CIMIP5: variants seen among roughly 807,000 people sequenced by gnomAD.
CIMIP5 encodes the protein uncharacterized protein C2orf50.
At chr2:11,137,350 G>T in the CIMIP5 span, among the ~76,000 whole-genome samples, 6 of 151,898 alleles carry the variant, frequency 4.0e-5, no homozygotes, top group African/African-American at 1.2e-4. Flanking sequence ...CTCCAGCCTG[G>T]GTGACAGAGT....
At chr2:11,133,684 A>G in the CIMIP5 span, 1 of 1,498,648 alleles carries the variant, frequency 6.7e-7, no homozygotes, top group Non-Finnish European at 8.9e-7. Context: ...AGGGCAAATG[A>G]TCTGGCTGAG....
chr2:11,138,919 A>ATT, the CIMIP5 span, among the ~76,000 whole-genome samples: 526 of 151,240 alleles, frequency 3.5e-3, 3 homozygotes, highest in African/African-American at 0.012. Flanking sequence ...TTTTATTTTT[A>ATT]TTTATTTTTA....
At chr2:11,150,094 G>T in the CIMIP5 span, among the ~76,000 whole-genome samples, 1 of 150,046 alleles carries the variant, frequency 6.7e-6, no homozygotes, top group Non-Finnish European at 1.5e-5. Context: ...TTACGGGTGC[G>T]TGCCACCATG....
At chr2:11,151,578 C>T in the CIMIP5 span, among the ~76,000 whole-genome samples, 1 of 152,226 alleles carries the variant, frequency 6.6e-6, no homozygotes, top group Non-Finnish European at 1.5e-5. Context: ...AATTATTACT[C>T]AAATCAGTCT....
chr2:11,151,822 C>T, the CIMIP5 span, among the ~76,000 whole-genome samples: 2 of 152,200 alleles, frequency 1.3e-5, no homozygotes, highest in Admixed American at 6.5e-5. Flanking sequence ...TTAGTAGAGA[C>T]GGGGTTTGGC....
the CIMIP5 span, among the ~76,000 whole-genome samples, chr2:11,151,257 C>CT: frequency 0.02 from 3,072 of 152,360 alleles, 42 homozygotes; most frequent in Middle Eastern, 0.034. Context: ...AGCTGTACCC[C>CT]AGCCACCTTG....
At chr2:11,139,522 C>G in the CIMIP5 span, among the ~76,000 whole-genome samples, 5 of 152,208 alleles carry the variant, frequency 3.3e-5, no homozygotes, top group Non-Finnish European at 7.3e-5. Context: ...TCCTACCTCT[C>G]CCTAGCCTTC....
the CIMIP5 span, among the ~76,000 whole-genome samples, chr2:11,151,716 A>G: frequency 7.9e-5 from 12 of 152,348 alleles, no homozygotes; most frequent in South Asian, 2.1e-3. Context: ...GCCCAGTGCA[A>G]CCTGTGCCTC....
chr2:11,137,022 G>A, the CIMIP5 span, among the ~76,000 whole-genome samples: 1 of 152,176 alleles, frequency 6.6e-6, no homozygotes, highest in South Asian at 2.1e-4. Context: ...GCTGCCCAAC[G>A]GAAATACAAT....
At chr2:11,152,946 G>C in the CIMIP5 span, among the ~76,000 whole-genome samples, 2 of 152,202 alleles carry the variant, frequency 1.3e-5, no homozygotes, top group Non-Finnish European at 2.9e-5. Flanking sequence ...TTGCTAGTTT[G>C]CACCTGGTGG....
chr2:11,136,252 G>A, the CIMIP5 span, among the ~76,000 whole-genome samples: 1 of 152,208 alleles, frequency 6.6e-6, no homozygotes, highest in Non-Finnish European at 1.5e-5. Context: ...GGATTGGTAT[G>A]TATCATGTTA....
At chr2:11,136,230 A>G in the CIMIP5 span, among the ~76,000 whole-genome samples, 2 of 152,284 alleles carry the variant, frequency 1.3e-5, no homozygotes, top group East Asian at 1.9e-4. Context: ...GCTTCTTCCT[A>G]TGTTTTTGAC....
chr2:11,151,689 G>A, the CIMIP5 span, among the ~76,000 whole-genome samples: 1 of 152,268 alleles, frequency 6.6e-6, no homozygotes, highest in Non-Finnish European at 1.5e-5. Flanking sequence ...TGTCTGGAGT[G>A]CAGTGGCACG....
the CIMIP5 span, among the ~76,000 whole-genome samples, chr2:11,153,920 G>C: frequency 2.6e-5 from 2 of 77,700 alleles, no homozygotes; most frequent in Non-Finnish European, 5.0e-5. Context: ...GTGAAACTCC[G>C]TCTCAAAAAA....
chr2:11,139,365 G>T, the CIMIP5 span, among the ~76,000 whole-genome samples: 2 of 152,222 alleles, frequency 1.3e-5, no homozygotes, highest in African/African-American at 4.8e-5. Context: ...TTTGACTCTA[G>T]GATGTGGGGC....
chr2:11,135,189 A>T, the CIMIP5 span, among the ~76,000 whole-genome samples: 3 of 152,312 alleles, frequency 2.0e-5, no homozygotes, highest in South Asian at 6.2e-4. Context: ...TCAGTATGAG[A>T]TTTGGAGAGA....
At chr2:11,145,566 C>A in the CIMIP5 span, 1 of 152,332 alleles carries the variant, frequency 6.6e-6, no homozygotes, top group African/African-American at 2.4e-5. Flanking sequence ...CCTCTTCTTC[C>A]TGGGTGCTCT....
At chr2:11,133,756 C>G in the CIMIP5 span, among the ~76,000 whole-genome samples, 1 of 152,138 alleles carries the variant, frequency 6.6e-6, no homozygotes, top group Non-Finnish European at 1.5e-5. Context: ...GAGCCAGACC[C>G]GAGCCTGAGC....
the CIMIP5 span, among the ~76,000 whole-genome samples, chr2:11,148,816 C>A: frequency 6.8e-6 from 1 of 148,008 alleles, no homozygotes; most frequent in African/African-American, 2.6e-5. Flanking sequence ...CTCACTGCAA[C>A]CTTCGCCTCC....
Sources: gnomAD v4.1 joint callset for allele counts (sites outside exome capture counted in the v4.1 genomes callset) on GRCh38, gnomAD v4.1.1 for gene constraint, MANE v1.5 for transcripts, NCBI Gene and HGNC (gene_info 2026-07-23, HGNC 2026-07-21) for gene names.